Variants in PAG1 observed in about 807,000 individuals in gnomAD.
The protein encoded by PAG1 is phosphoprotein membrane anchor with glycosphingolipid microdomains 1.
In PAG1, 23 loss-of-function variants were observed where a neutral mutation model predicts 31.7. The ratio of observed to expected loss-of-function variants is 0.73; its 90% confidence interval spans 0.52 to 1.03. PAG1 has a LOEUF of 1.03. Among genes scored for constraint, PAG1 ranks in the 50% least tolerant of loss-of-function variants. The probability of loss-of-function intolerance (pLI) is 0.00; values close to 1 mark genes in which losing one functional copy is unlikely to be tolerated. For missense variants in PAG1, 473 were observed against 540.7 expected, an observed-to-expected ratio of 0.87 and a Z score of 1.24; for synonymous variants, 214 against 210.3, an observed-to-expected ratio of 1.02 and a Z score of -0.15.
At chr8:81,067,113 GTCC>G in intron 2 of PAG1, among the ~76,000 whole-genome samples, 1 of 152,194 alleles carries the variant, frequency 6.6e-6, no homozygotes, top group Non-Finnish European at 1.5e-5. Flanking sequence ...AGTGAGCTAT[GTCC>G]AGCCTGGGCC....
At chr8:81,095,213 T>C (rs1307198132) in intron 1 of PAG1, among the ~76,000 whole-genome samples, 1 of 152,212 alleles carries the variant, frequency 6.6e-6, no homozygotes, top group African/African-American at 2.4e-5. Context: ...AGGTCCAATC[T>C]GGGTTTGGAC....
intron 3 of PAG1, among the ~76,000 whole-genome samples, chr8:81,016,648 TG>T (rs1010620930): frequency 1.3e-5 from 2 of 152,238 alleles, no homozygotes; most frequent in African/African-American, 2.4e-5. Flanking sequence ...GTTTTCTACC[TG>T]TGGTTGATTG....
In PAG1 at chr8:81,081,284, T is replaced by C. The variant is rs1445750593; in HGVS notation, c.-233-11114A>G. ...TTCTGAACTTGGACATGCAAAGTTCTTTATATATGATATAGCATTGTGTTT... is the reference window on the plus strand; with the variant it reads ...TTCTGAACTTGGACATGCAAAGTTCCTTATATATGATATAGCATTGTGTTT... On this transcript the variant is annotated intron_variant, in intron 1 of 8. Transcript: ENST00000220597. 2.0e-5 allele frequency among the ~76,000 whole-genome samples: 3 copies of C among 152,264 alleles called. No homozygotes were observed. The South Asian group carries it at 6.2e-4, about 32-fold the overall frequency.
intron 3 of PAG1, among the ~76,000 whole-genome samples, chr8:81,003,925 C>T (rs375202045): frequency 1.3e-5 from 2 of 152,286 alleles, no homozygotes; most frequent in African/African-American, 2.4e-5. Flanking sequence ...AAGCCATGGA[C>T]GGCCTTTTTA....
At chr8:81,057,471 C>CA (rs1261138031) in intron 2 of PAG1, among the ~76,000 whole-genome samples, 7 of 146,924 alleles carry the variant, frequency 4.8e-5, no homozygotes, top group Non-Finnish European at 1.0e-4. Context: ...ACCACAAGGA[C>CA]AAAAAACCAA....
At chr8:81,066,517 C>G (rs1455690278) in intron 2 of PAG1, among the ~76,000 whole-genome samples, 5 of 152,066 alleles carry the variant, frequency 3.3e-5, no homozygotes, top group African/African-American at 1.2e-4. Flanking sequence ...AAAATCAATA[C>G]CCATCTAGCA....
Position 80,976,300 on chromosome 8 carries a change from C to G in PAG1, c.*244G>C. ...TCTTTTGTGGGTGGTGAGGGTGCAG[C>G]AGGGAGATGTGCTTGGGTGTACCTG... On this transcript the variant is annotated 3_prime_UTR_variant, in exon 9 of 9. Transcript: ENST00000220597. 4.4e-6 allele frequency: 2 copies of G among 453,162 alleles called. No individual in the cohort carries two copies. The highest frequency in any genetic ancestry group is 6.4e-5 in the South Asian group (2 of 31,410). 28.1% of individuals were successfully genotyped at this position (453,162 alleles called of 1,614,324 possible).
intron 2 of PAG1, among the ~76,000 whole-genome samples, chr8:81,049,726 G>A (rs757005669): frequency 2.0e-5 from 3 of 152,264 alleles, no homozygotes; most frequent in East Asian, 1.9e-4. Context: ...AATGTGCCAC[G>A]TTTTCCCTTT....
chr8:81,003,553 C>A (rs1807824279), intron 3 of PAG1, among the ~76,000 whole-genome samples: 1 of 152,182 alleles, frequency 6.6e-6, no homozygotes, highest in Non-Finnish European at 1.5e-5. Flanking sequence ...TGATCGGGTA[C>A]ATTGCTGCTA....
At chr8:81,013,779 C>T (rs1232085013) in intron 3 of PAG1, among the ~76,000 whole-genome samples, 1 of 152,104 alleles carries the variant, frequency 6.6e-6, no homozygotes, top group Non-Finnish European at 1.5e-5. Context: ...AGGGTTTCAC[C>T]ATGTTGGCCA....
Position 80,970,811 on chromosome 8 carries a change from T to C in PAG1, c.*5733A>G, listed in dbSNP as rs1226281199. ...GGCCTCATCTTGGCAGCCTGTGAGT[T>C]GGGCAGAGCTGTGACGAGGCATGGT... On this transcript the variant is annotated 3_prime_UTR_variant, in exon 9 of 9. Coordinates refer to ENST00000220597, the MANE Select transcript of PAG1 (RefSeq NM_018440.4). 6.5e-6 allele frequency: 1 copy of C among 152,994 alleles called. No individual in the cohort carries two copies. Among genetic ancestry groups the C allele is most frequent in the Non-Finnish European group, 1.5e-5 (1 of 68,208 alleles). 9.5% of individuals were successfully genotyped at this position (152,994 alleles called of 1,614,324 possible).
intron 3 of PAG1, among the ~76,000 whole-genome samples, chr8:80,993,790 G>A (rs1253676993): frequency 6.6e-6 from 1 of 150,652 alleles, no homozygotes; most frequent in Non-Finnish European, 1.5e-5. Flanking sequence ...ATTTTTTGTA[G>A]AGACGAAGTC....
intron 2 of PAG1, among the ~76,000 whole-genome samples, chr8:81,063,200 C>T (rs962598377): frequency 3.3e-5 from 5 of 152,104 alleles, no homozygotes; most frequent in African/African-American, 4.8e-5. Context: ...CTCCTCTATT[C>T]GAGGCTCAGA....
chr8:81,034,569 C>T (rs1352490011), intron 2 of PAG1, among the ~76,000 whole-genome samples: 1 of 152,194 alleles, frequency 6.6e-6, no homozygotes, highest in Admixed American at 6.5e-5. Context: ...CAATAAAGGG[C>T]TTCCTCCATC....
intron 1 of PAG1, among the ~76,000 whole-genome samples, chr8:81,089,824 T>TC (rs1809418122): frequency 6.6e-6 from 1 of 151,930 alleles, no homozygotes; most frequent in African/African-American, 2.4e-5. Flanking sequence ...AACGTGAGAG[T>TC]CCATAAAGAA....
intron 2 of PAG1, among the ~76,000 whole-genome samples, chr8:81,068,486 G>T (rs1293074155): frequency 6.6e-6 from 1 of 152,132 alleles, no homozygotes; most frequent in Non-Finnish European, 1.5e-5. Flanking sequence ...AATTGGTTTT[G>T]GTGGCACTTC....
intron 1 of PAG1, among the ~76,000 whole-genome samples, chr8:81,088,633 CA>C (rs1419335710): frequency 1.3e-5 from 2 of 151,924 alleles, no homozygotes; most frequent in African/African-American, 2.4e-5. Context: ...TACTAAGTCA[CA>C]AAAAAAGAGC....
chr8:81,092,481 T>G (rs546275739), intron 1 of PAG1, among the ~76,000 whole-genome samples: 175 of 152,354 alleles, frequency 1.1e-3, no homozygotes, highest in African/African-American at 4.1e-3. Context: ...ATTTGATCTC[T>G]GTTAAATATG....
At chr8:81,105,943 T>G (rs1323693701) in intron 1 of PAG1, among the ~76,000 whole-genome samples, 4 of 152,180 alleles carry the variant, frequency 2.6e-5, no homozygotes, top group African/African-American at 7.2e-5. Flanking sequence ...AGAACCTGAT[T>G]ACTTGCAAAT....
Sources: allele counts gnomAD v4.1 joint callset (sites outside exome capture counted in the v4.1 genomes callset), GRCh38; gene constraint gnomAD v4.1.1; transcripts MANE v1.5; gene names NCBI Gene and HGNC (gene_info 2026-07-23, HGNC 2026-07-21).